The following DSG3 variants were observed in gnomAD, a reference collection of about 807,000 sequenced individuals.
DSG3 encodes desmoglein-3.
In DSG3, 63 loss-of-function variants were observed where a neutral mutation model predicts 85.9. The observed-to-expected ratio is 0.73, with a 90% confidence interval of 0.60 to 0.90. The LOEUF is 0.90. Ranked by LOEUF, DSG3 falls within the 40% of genes least tolerant of loss-of-function variation. The probability of loss-of-function intolerance (pLI) is 0.00; values close to 1 mark genes in which losing one functional copy is unlikely to be tolerated. For missense variants in DSG3, 1,220 were observed against 1,219.9 expected (o/e 1.00, Z 0.00); for synonymous variants, 447 against 441.9 (o/e 1.01, Z -0.14).
Position 31,461,380 on chromosome 18 carries a change from A to G in DSG3, c.967A>G (p.Arg323Gly), listed in dbSNP as rs769325651. 5.5e-5 allele frequency: 89 copies of G among 1,613,418 alleles called. No homozygotes were observed. Among genetic ancestry groups the G allele is most frequent in the Non-Finnish European group, 7.2e-5 (85 of 1,179,814 alleles). The change falls in exon 8 of 16, where the codon AGA becomes GGA. Residue 323 changes from arginine to glycine, a missense_variant. Transcript: ENST00000257189. Reference protein sequence around the residue: ...GNWFEIQTDPRTNEGILKVVK... With the variant: ...GNWFEIQTDPGTNEGILKVVK... ...TTGGTTTGAAATACAAACTGATCCT[A>G]GAACTAATGAAGGCATCCTGAAAGT...
chr18:31,461,008 C>T, intron 7 of DSG3, 47 bp downstream of exon 7: 1 of 1,507,982 alleles, frequency 6.6e-7, no homozygotes, highest in South Asian at 1.4e-5. Context: ...ATATTTAATA[C>T]TTTGAAATCC....
At position 31,468,967 on chromosome 18, in the gene DSG3, G is replaced by A. The variant is rs922503454; in HGVS notation, c.1637-122G>A. 5 of 1,403,210 alleles carry A rather than the reference G, an allele frequency of 3.6e-6. No homozygotes were observed. The South Asian group carries it at 5.4e-5, about 15-fold the overall frequency. 86.9% of individuals were successfully genotyped at this position (1,403,210 alleles called of 1,614,324 possible). On this transcript the variant is annotated intron_variant, in intron 11 of 15. Transcript: ENST00000257189. The stretch of plus-strand genomic sequence containing the variant: ...ATTGAGCTTCCCAACCTTCAAAACT[G>A]TGAGAAATAAATGTGTTTTCTTTAT...
In DSG3 at chr18:31,472,387, T is replaced by G; in HGVS notation, c.2001T>G (p.His667Gln). The G allele has an allele frequency of 6.2e-7, 1 of 1,614,074 alleles. No individual in the cohort carries two copies. Among genetic ancestry groups the G allele is most frequent in the Non-Finnish European group, 8.5e-7 (1 of 1,179,990 alleles). ...CTGATGGCTCAGAAGGAACAATTCATCAGTGGGGAATTGAAGGAGCCCATC... is the reference window on the plus strand; with the variant it reads ...CTGATGGCTCAGAAGGAACAATTCAGCAGTGGGGAATTGAAGGAGCCCATC... Reference protein sequence around the residue: ...PVPDGSEGTIHQWGIEGAHPE... With the variant: ...PVPDGSEGTIQQWGIEGAHPE... The change falls in exon 13 of 16, where the codon CAT (histidine) becomes CAG (glutamine). Residue 667 changes from histidine (H) to glutamine (Q), a missense_variant. Coordinates refer to ENST00000257189, the MANE Select transcript of DSG3 (RefSeq NM_001944.3).
At chr18:31,452,303 G>A (rs972819456) in intron 1 of DSG3, among the ~76,000 whole-genome samples, 4 of 152,010 alleles carry the variant, frequency 2.6e-5, no homozygotes, top group South Asian at 2.1e-4. Context: ...GGCAGATCAC[G>A]AGGTCAAGAG....
At position 31,475,845 on chromosome 18, in the gene DSG3, G is replaced by C; in HGVS notation, c.2585G>C (p.Gly862Ala). The change falls in exon 16 of 16, where the codon GGT (glycine) becomes GCT (alanine). Residue 862 changes from glycine to alanine, a missense_variant. Physicochemically the swap from Gly to Ala is moderately conservative, Grantham distance 60. Coordinates refer to ENST00000257189, the MANE Select transcript of DSG3 (RefSeq NM_001944.3). ...AAAAAACTTGCAGAGATAAGCCTTG[G>C]TGTTGATGGTGAAGGCAAAGAAGTT... The part of the protein sequence containing the change: ...KFKKLAEISL[G>A]VDGEGKEVQP... 2 of 1,614,152 alleles carry C rather than the reference G, an allele frequency of 1.2e-6. No individual in the cohort carries two copies. The highest frequency in any genetic ancestry group is 1.7e-6 in the Non-Finnish European group (2 of 1,180,042).
At chr18:31,473,941 C>G (rs530062168) in intron 14 of DSG3, among the ~76,000 whole-genome samples, 180 bp from the exon 15 acceptor site, 1 of 152,214 alleles carries the variant, frequency 6.6e-6, no homozygotes, top group East Asian at 1.9e-4. Context: ...CGTTTATATG[C>G]CCTCCTTTGT....
chr18:31,456,987 C>A lies in DSG3; in HGVS notation c.85-6C>A. On this transcript the variant is annotated splice_polypyrimidine_tract_variant and splice_region_variant and intron_variant, in intron 2 of 15. Coordinates refer to ENST00000257189, the MANE Select transcript of DSG3 (RefSeq NM_001944.3). Reference sequence around the variant, plus strand: ...CCATAACAAATGGAATCCCTTTTTACATAAGACTAAAGGTCAATATGATGA... The same window carrying A: ...CCATAACAAATGGAATCCCTTTTTAAATAAGACTAAAGGTCAATATGATGA... 5 of 1,591,726 alleles carry A rather than the reference C, an allele frequency of 3.1e-6. No individual in the cohort carries two copies. The highest frequency in any genetic ancestry group is 3.4e-6 in the Non-Finnish European group (4 of 1,172,456).
rs17660414 is a variant in DSG3, at chr18:31,457,168, T to C, written c.216+44T>C. 0.1 allele frequency: 160,950 copies of C among 1,569,704 alleles called. 8,574 individuals are homozygous for C. Among genetic ancestry groups the C allele is most frequent in the South Asian group, 0.12 (9,707 of 83,250 alleles). Reference sequence around the variant, plus strand: ...AGCGTATGAGTTTTTAGAATAAATGTATAAGGTGTAAATTAAAATAATACG... The same window carrying C: ...AGCGTATGAGTTTTTAGAATAAATGCATAAGGTGTAAATTAAAATAATACG... On this transcript the variant is annotated intron_variant, in intron 3 of 15. Transcript: ENST00000257189.
Position 31,452,746 on chromosome 18 carries a change from G to A in DSG3, c.49-3694G>A, listed in dbSNP as rs1217237223. Among the ~76,000 whole-genome samples the A allele has an allele frequency of 4.6e-5, 7 of 152,184 alleles. No homozygotes were observed. The South Asian group carries it at 8.3e-4, about 18-fold the overall frequency. ...ACAGATGAAGAAACTGAAAGATTAA[G>A]GAATGTTCCCAAGTTATATGCTAGT... is the stretch of plus-strand genomic sequence containing the variant. On this transcript the variant is annotated intron_variant, in intron 1 of 15. Transcript: ENST00000257189.
At position 31,474,547 on chromosome 18, in the gene DSG3, A is replaced by T. The variant is rs954412126; in HGVS notation, c.2385+143A>T. ...AAATGGTTTGTTTGTTTTTTGCCAA[A>T]ATAATACAGATAACCTAAGGTAGCT... On this transcript the variant is annotated intron_variant, in intron 15 of 15. Transcript: ENST00000257189. 19 of 1,063,790 alleles carry T rather than the reference A, an allele frequency of 1.8e-5. No homozygotes were observed. The African/African-American group carries it at 3.1e-4, about 17-fold the overall frequency. The allele number at this position is 1,063,790 out of a possible 1,614,324, so 65.9% of individuals were successfully genotyped here.
intron 3 of DSG3, 37 bp downstream of exon 3, chr18:31,457,161 A>G (rs202234342): frequency 2.6e-5 from 42 of 1,587,658 alleles, no homozygotes; most frequent in Non-Finnish European, 3.5e-5. Flanking sequence ...AGTTTTTAGA[A>G]TAAATGTATA....
Position 31,458,604 on chromosome 18 carries a change from A to G in DSG3, c.372+4A>G. 6.2e-7 allele frequency: 1 copy of G among 1,612,162 alleles called. No individual in the cohort carries two copies. The highest frequency in any genetic ancestry group is 2.2e-5 in the East Asian group (1 of 44,870). ...GGAGGAAACTCCAAGCTTCCTGGTAAGTTTGGGTCCTCAACATTGGGCTAC... is the reference window on the plus strand; with the variant it reads ...GGAGGAAACTCCAAGCTTCCTGGTAGGTTTGGGTCCTCAACATTGGGCTAC... On this transcript the variant is annotated splice_donor_region_variant and intron_variant, in intron 4 of 15. Transcript: ENST00000257189.
intron 4 of DSG3, 99 bp from the exon 5 acceptor site, chr18:31,458,934 A>G: frequency 5.0e-6 from 7 of 1,412,186 alleles, no homozygotes; most frequent in Non-Finnish European, 6.8e-6. Context: ...TCTTTGCACA[A>G]AAGTGATGTC....
At position 31,457,059 on chromosome 18, in the gene DSG3, T is replaced by A; in HGVS notation, c.151T>A (p.Trp51Arg). The A allele has an allele frequency of 6.2e-7, 1 of 1,613,336 alleles. No homozygotes were observed. Among genetic ancestry groups the A allele is most frequent in the South Asian group, 1.1e-5 (1 of 90,982 alleles). The change falls in exon 3 of 16, where the codon TGG becomes AGG. Residue 51 changes from tryptophan to arginine, a missense_variant. Trp to Arg is a moderately radical substitution (Grantham distance 101). Transcript: ENST00000257189. ...QQAKRRQKRE[W>R]VKFAKPCREG... Reference sequence around the variant, plus strand: ...AGCTAAAAGAAGGCAAAAACGTGAATGGGTGAAATTTGCCAAACCCTGCAG... The same window carrying A: ...AGCTAAAAGAAGGCAAAAACGTGAAAGGGTGAAATTTGCCAAACCCTGCAG...
intron 1 of DSG3, among the ~76,000 whole-genome samples, chr18:31,448,528 G>A (rs1460598): frequency 0.22 from 33,929 of 151,762 alleles, 3,965 homozygotes; most frequent in South Asian, 0.35. Flanking sequence ...ATTTTTTTCA[G>A]AAAAGTAATA....
intron 6 of DSG3, among the ~76,000 whole-genome samples, chr18:31,460,631 A>G (rs975470275): frequency 6.6e-6 from 1 of 152,172 alleles, no homozygotes; most frequent in Non-Finnish European, 1.5e-5. Flanking sequence ...GTTACGGTAG[A>G]GTACAGTCCT....
intron 10 of DSG3, 114 bp downstream of exon 10, chr18:31,465,571 T>A: frequency 2.0e-6 from 2 of 1,004,770 alleles, no homozygotes; most frequent in African/African-American, 1.7e-5. Flanking sequence ...GAGAGAGAAT[T>A]ATCTTAGGAG....
intron 1 of DSG3, among the ~76,000 whole-genome samples, chr18:31,455,509 C>T (rs2072737001): frequency 6.6e-6 from 1 of 152,100 alleles, no homozygotes; most frequent in Non-Finnish European, 1.5e-5. Flanking sequence ...CTGTGGTAAA[C>T]CATCATGGGC....
chr18:31,460,930 A>G lies in DSG3; in HGVS notation c.782A>G (p.Asn261Ser). 4 of 1,603,830 alleles carry G rather than the reference A, an allele frequency of 2.5e-6. No homozygotes were observed. In the East Asian group the frequency reaches 9.0e-5, roughly 36 times the overall value. Residue 261 changes from asparagine (N) to serine (S), a missense_variant, in exon 7 of 16, where the codon AAC (asparagine) becomes AGC (serine). Physicochemically the swap from Asn to Ser is conservative, Grantham distance 46 (BLOSUM62 1). Transcript: ENST00000257189. ...CECNIKVKDVNDNFPMFRDSQ... is the reference protein window; with the variant it reads ...CECNIKVKDVSDNFPMFRDSQ... ...TGTAATATTAAAGTGAAAGATGTCA[A>G]CGATAACTTCCCAATGTTTAGAGAC...
Sources: gnomAD v4.1 joint callset for allele counts (sites outside exome capture counted in the v4.1 genomes callset) on GRCh38, gnomAD v4.1.1 for gene constraint, MANE v1.5 for transcripts, NCBI Gene and HGNC (gene_info 2026-07-23, HGNC 2026-07-21) for gene names.